WDR33: variants seen among roughly 807,000 people sequenced by gnomAD.
WDR33 encodes WD repeat domain 33.
Under a neutral mutation model 164.9 loss-of-function variants are expected in WDR33, and 47 were observed. The ratio of observed to expected loss-of-function variants is 0.29; its 90% CI spans 0.23 to 0.36. The LOEUF (loss-of-function observed/expected upper bound fraction) is 0.36. Among genes scored for constraint, WDR33 ranks in the 10% least tolerant of loss-of-function variants. The pLI is 1.00. For missense variants in WDR33, 1,137 were observed against 1,754.1 expected, an observed-to-expected ratio of 0.65 and a Z score of 6.28; for synonymous variants, 505 against 589.0, an observed-to-expected ratio of 0.86 and a Z score of 2.06.
chr2:127,768,925 G>T lies in WDR33; in HGVS notation c.273+8C>A. On this transcript the variant is annotated splice_region_variant and intron_variant, in intron 3 of 21. Coordinates refer to ENST00000322313, the MANE Select transcript of WDR33 (RefSeq NM_018383.5). Reference sequence around the variant, plus strand: ...TTATTAAGCTAGTATGACACATCATGTACTTACATCATTGTAATAACCTGC... The same window carrying T: ...TTATTAAGCTAGTATGACACATCATTTACTTACATCATTGTAATAACCTGC... 6.3e-7 allele frequency: 1 copy of T among 1,592,382 alleles called. No individual in the cohort carries two copies. The highest frequency in any genetic ancestry group is 8.6e-7 in the Non-Finnish European group (1 of 1,168,364).
Position 127,710,474 on chromosome 2 carries a change from G to C in WDR33, c.3309-618C>G, listed in dbSNP as rs1686131883. The stretch of plus-strand genomic sequence containing the variant: ...CAGGGGCAGGCCTCCATGACCACGA[G>C]TGGCACTCATGGCCCGAGTCCACAG... On this transcript the variant is annotated intron_variant, in intron 18 of 21. Transcript: ENST00000322313. The surrounding 1 kb of genome is among the most constrained non-coding windows in gnomAD (Gnocchi z 4.4). Among the ~76,000 whole-genome samples, 2 of 152,212 alleles carry C rather than the reference G, an allele frequency of 1.3e-5. No individual in the cohort carries two copies. Among genetic ancestry groups the C allele is most frequent in the South Asian group, 4.1e-4 (2 of 4,828 alleles).
In WDR33 at chr2:127,720,237, C is replaced by T. The variant is rs1686403445; in HGVS notation, c.1788G>A (p.Gln596=). ...GGGGCTGTTGAAAACCTTGAGGAAT[C>T]TGAGACATTGGACCTTGTCCTGGAA... ...QPFPGQGPMS[Q]IPQGFQQPHP... Residue 596 remains glutamine, a synonymous_variant, in exon 16 of 22, where the codon CAG becomes CAA. Coordinates refer to ENST00000322313, the MANE Select transcript of WDR33 (RefSeq NM_018383.5). The surrounding 1 kb of genome is among the most constrained non-coding windows in gnomAD (Gnocchi z 5.9). 1.3e-6 allele frequency: 2 copies of T among 1,590,782 alleles called. No individual in the cohort carries two copies. Among genetic ancestry groups the T allele is most frequent in the Non-Finnish European group, 1.7e-6 (2 of 1,167,880 alleles).
intron 7 of WDR33, among the ~76,000 whole-genome samples, chr2:127,727,228 T>A (rs957236217): frequency 1.3e-5 from 2 of 152,178 alleles, no homozygotes; most frequent in Non-Finnish European, 2.9e-5. Flanking sequence ...CATTTAGGAA[T>A]TTAGGACACC....
rs1686254745 is a variant in WDR33 at position 127,714,582 on chromosome 2, C to G, written c.2870-561G>C. ...AAATACCTGCCTGATGACCAAACAG[C>G]CCTGCTGGGCTTCAGTGTCGGGGTT... On this transcript the variant is annotated intron_variant, in intron 17 of 21. Transcript: ENST00000322313. The surrounding 1 kb of genome is among the most constrained non-coding windows in gnomAD (Gnocchi z 4.3). 6.6e-6 allele frequency among the ~76,000 whole-genome samples: 1 copy of G among 152,190 alleles called. No individual in the cohort carries two copies. The highest frequency in any genetic ancestry group is 2.1e-4 in the South Asian group (1 of 4,832).
intron 1 of WDR33, among the ~76,000 whole-genome samples, chr2:127,801,647 C>T (rs976787187): frequency 1.1e-4 from 17 of 151,944 alleles, no homozygotes; most frequent in African/African-American, 3.9e-4. Context: ...CTTTGTGGAG[C>T]GGAGGCATGT....
Position 127,736,060 on chromosome 2 carries a change from C to A in WDR33, c.725-9283G>T, listed in dbSNP as rs181325543. 24 of 985,406 alleles carry A rather than the reference C, an allele frequency of 2.4e-5. No individual in the cohort carries two copies. In the African/African-American group the frequency reaches 3.3e-4, roughly 14 times the overall value. The allele number at this position is 985,406 out of a possible 1,614,324, so 61.0% of individuals were successfully genotyped here. A position where few individuals can be genotyped will look rare whatever the true frequency, so the allele number is the denominator to read the frequency against. On this transcript the variant is annotated intron_variant, in intron 7 of 21. Transcript: ENST00000322313. Reference sequence around the variant, plus strand: ...CGGCAGTCAGGTAAGTTGAGCAATGCTGAATTTTAAAATGGGTAAGTTTCT... The same window carrying A: ...CGGCAGTCAGGTAAGTTGAGCAATGATGAATTTTAAAATGGGTAAGTTTCT...
chr2:127,713,704 C>T lies in WDR33; in HGVS notation c.3187G>A (p.Glu1063Lys). The T allele has an allele frequency of 6.2e-7, 1 of 1,614,202 alleles. No individual in the cohort carries two copies. The highest frequency in any genetic ancestry group is 8.5e-7 in the Non-Finnish European group (1 of 1,180,004). The change falls in exon 18 of 22, where the codon GAG (glutamate) becomes AAG (lysine). Residue 1063 changes from glutamate (E) to lysine (K), a missense_variant. Glu to Lys is a moderately conservative substitution (Grantham distance 56, BLOSUM62 1). Coordinates refer to ENST00000322313, the MANE Select transcript of WDR33 (RefSeq NM_018383.5). This position sits in a 1 kb window ranked among gnomAD's most constrained non-coding sequence, Gnocchi z 6.2. ...PFPPDHREFS[E>K]GDGRGAARGP... ...CGGGCTGCACCCCGGCCATCCCCCTCGCTGAATTCCCTGTGATCAGGGGGA... is the reference window on the plus strand; with the variant it reads ...CGGGCTGCACCCCGGCCATCCCCCTTGCTGAATTCCCTGTGATCAGGGGGA...
intron 3 of WDR33, among the ~76,000 whole-genome samples, chr2:127,768,556 T>C (rs914917442): frequency 2.0e-5 from 3 of 152,172 alleles, no homozygotes; most frequent in Non-Finnish European, 4.4e-5. Flanking sequence ...TTAGTACAAG[T>C]ACTAACCCAG....
At chr2:127,729,240 C>T (rs891902782) in intron 7 of WDR33, among the ~76,000 whole-genome samples, 5 of 152,200 alleles carry the variant, frequency 3.3e-5, no homozygotes, top group East Asian at 1.9e-4. Context: ...AAAGCGCAGA[C>T]AGATTAAAGA....
Position 127,708,411 on chromosome 2 carries a change from C to G in WDR33, c.3781+266G>C, listed in dbSNP as rs10182891. ...TGCCAAGGAGAGCAGGGCTCCCAGA[C>G]AGCAAGCCGAGCAGAGAGTGCTGGG... On this transcript the variant is annotated intron_variant, in intron 21 of 21. Coordinates refer to ENST00000322313, the MANE Select transcript of WDR33 (RefSeq NM_018383.5). The surrounding 1 kb of genome is among the most constrained non-coding windows in gnomAD (Gnocchi z 6.7). Among the ~76,000 whole-genome samples, 1,064 of 152,346 alleles carry G rather than the reference C, an allele frequency of 7.0e-3. 10 individuals carry two copies. Among genetic ancestry groups the G allele is most frequent in the African/African-American group, 0.024 (1,011 of 41,576 alleles).
Position 127,717,250 on chromosome 2 carries a change from G to T in WDR33, c.2774C>A (p.Thr925Lys). The T allele has an allele frequency of 6.3e-7, 1 of 1,596,104 alleles. No individual in the cohort carries two copies. Among genetic ancestry groups the T allele is most frequent in the Non-Finnish European group, 8.5e-7 (1 of 1,172,438 alleles). The change falls in exon 17 of 22, where the codon ACA (threonine) becomes AAA (lysine). Residue 925 changes from threonine to lysine, a missense_variant. This residue lies in a region of WDR33 where 867 missense variants were observed against 1,073.0 expected (regional missense o/e 0.81). Coordinates refer to ENST00000322313, the MANE Select transcript of WDR33 (RefSeq NM_018383.5). This position sits in a 1 kb window ranked among gnomAD's most constrained non-coding sequence, Gnocchi z 5.6. ...GCCTGGTATCAGGGGTGGGGGGCCT[G>T]TGCTCTGTCCTTCCTGAAAATATGT... ...RAPFNQEGQS[T>K]GPPPLIPGLG... is the part of the protein sequence containing the mutation.
rs754748970 is a variant in WDR33, at chr2:127,763,167, A to G, written c.627-8T>C. On this transcript the variant is annotated splice_polypyrimidine_tract_variant and splice_region_variant and intron_variant, in intron 6 of 21. Coordinates refer to ENST00000322313, the MANE Select transcript of WDR33 (RefSeq NM_018383.5). The surrounding 1 kb of genome is among the most constrained non-coding windows in gnomAD (Gnocchi z 4.5). ...TTATCCGTGGGTGAGAAACTGTTACATGAAGACACACAGCAGGGGAAAGAA... is the reference window on the plus strand; with the variant it reads ...TTATCCGTGGGTGAGAAACTGTTACGTGAAGACACACAGCAGGGGAAAGAA... 5 of 1,613,902 alleles carry G rather than the reference A, an allele frequency of 3.1e-6. No homozygotes were observed. The South Asian group carries it at 3.3e-5, about 11-fold the overall frequency.
chr2:127,715,944 G>A (rs1205292263), intron 17 of WDR33, among the ~76,000 whole-genome samples: 3 of 152,130 alleles, frequency 2.0e-5, no homozygotes, highest in Non-Finnish European at 2.9e-5. Context: ...GAAAGGGGGC[G>A]GGGGATAAAG....
rs2105371474 is a variant in WDR33, at chr2:127,710,180, C to T, written c.3309-324G>A. On this transcript the variant is annotated intron_variant, in intron 18 of 21. Transcript: ENST00000322313. The surrounding 1 kb of genome is among the most constrained non-coding windows in gnomAD (Gnocchi z 4.4). ...GAAGCTGGTATTATCAGCAGTTCCA[C>T]TGATGAGAACACTGAGGCCCAGATT... Among the ~76,000 whole-genome samples the T allele has an allele frequency of 6.6e-6, 1 of 152,310 alleles. No homozygotes were observed. Among genetic ancestry groups the T allele is most frequent in the African/African-American group, 2.4e-5 (1 of 41,562 alleles).
chr2:127,808,017 G>A (rs932423785), intron 1 of WDR33, among the ~76,000 whole-genome samples: 6 of 152,130 alleles, frequency 3.9e-5, no homozygotes, highest in Non-Finnish European at 8.8e-5. Flanking sequence ...AGTGGAGAAG[G>A]TATAGTCAAA....
At chr2:127,806,611 A>C (rs559003467) in intron 1 of WDR33, among the ~76,000 whole-genome samples, 38 of 152,100 alleles carry the variant, frequency 2.5e-4, no homozygotes, top group Admixed American at 1.4e-3. Flanking sequence ...TTCTACCCTA[A>C]ACTCTGTGTA....
At position 127,702,021 on chromosome 2, in the gene WDR33, A is replaced by C. The variant is rs764196475; in HGVS notation, c.*4302T>G. 2 of 1,296,552 alleles carry C rather than the reference A, an allele frequency of 1.5e-6. No individual in the cohort carries two copies. The highest frequency in any genetic ancestry group is 2.1e-5 in the South Asian group (1 of 47,744). The allele number at this position is 1,296,552 out of a possible 1,614,324, so 80.3% of individuals were successfully genotyped here. ...GCTGTTCGCCGCGCTGGGCCTTCGC[A>C]GCACGCTGCTCACGGTGCTGGGCGC... On this transcript the variant is annotated 3_prime_UTR_variant, in exon 22 of 22. Transcript: ENST00000322313.
chr2:127,740,846 G>C (rs923372023), intron 7 of WDR33, among the ~76,000 whole-genome samples: 5 of 152,200 alleles, frequency 3.3e-5, no homozygotes, highest in Admixed American at 6.5e-5. Context: ...TCAAAGGTTT[G>C]CAGAGGATGA....
intron 7 of WDR33, among the ~76,000 whole-genome samples, chr2:127,734,896 C>T (rs755387548): frequency 6.6e-6 from 1 of 152,064 alleles, no homozygotes; most frequent in Non-Finnish European, 1.5e-5. Context: ...CTTGAAATAG[C>T]AAAGTGCAGA....
Sources: allele counts gnomAD v4.1 joint callset (sites outside exome capture counted in the v4.1 genomes callset), GRCh38; gene constraint gnomAD v4.1.1; regional missense constraint gnomAD v4.1.1; non-coding constraint Gnocchi (gnomAD v3.1); transcripts MANE v1.5; gene names NCBI Gene and HGNC (gene_info 2026-07-23, HGNC 2026-07-21).